The following PDE3B variants were observed in gnomAD, a reference collection of about 807,000 sequenced individuals.
The protein encoded by PDE3B is cGMP-inhibited 3',5'-cyclic phosphodiesterase 3B.
PDE3B carries 66 observed loss-of-function variants against 116.8 expected under a neutral mutation model. The ratio of observed to expected loss-of-function variants is 0.56; its 90% CI spans 0.46 to 0.69. The LOEUF is 0.69. Ranked by LOEUF, PDE3B falls within the 30% of genes least tolerant of loss-of-function variation. PDE3B has a pLI of 0.00. For synonymous variants in PDE3B, 595 were observed against 533.6 expected, an observed-to-expected ratio of 1.12 and a Z score of -1.59; for missense variants, 1,384 against 1,368.1, an observed-to-expected ratio of 1.01 and a Z score of -0.18.
intron 1 of PDE3B, among the ~76,000 whole-genome samples, chr11:14,682,084 T>C (rs1178515575): frequency 6.6e-6 from 1 of 152,150 alleles, no homozygotes; most frequent in Non-Finnish European, 1.5e-5. Context: ...AGAGAAAATA[T>C]GTTTACTGTT....
intron 12 of PDE3B, among the ~76,000 whole-genome samples, chr11:14,848,382 A>G (rs1847660285): frequency 6.8e-6 from 1 of 147,422 alleles, no homozygotes; most frequent in South Asian, 2.2e-4. Flanking sequence ...AGCCAATATC[A>G]TACTGAATGG....
At chr11:14,677,617 A>G (rs1015359159) in intron 1 of PDE3B, among the ~76,000 whole-genome samples, 1 of 152,138 alleles carries the variant, frequency 6.6e-6, no homozygotes, top group Non-Finnish European at 1.5e-5. Context: ...GATTTTGTAT[A>G]TCCACTACAA....
At chr11:14,757,664 T>C (rs1268963207) in intron 1 of PDE3B, among the ~76,000 whole-genome samples, 1 of 106,208 alleles carries the variant, frequency 9.4e-6, no homozygotes, top group African/African-American at 4.2e-5. Context: ...GTTTTTTTCT[T>C]GTAAATTTGT....
intron 4 of PDE3B, among the ~76,000 whole-genome samples, chr11:14,793,784 T>A (rs1858464070): frequency 1.3e-5 from 2 of 152,184 alleles, no homozygotes; most frequent in African/African-American, 4.8e-5. Flanking sequence ...TACTGTGTAA[T>A]GAAATCTAAT....
intron 1 of PDE3B, among the ~76,000 whole-genome samples, chr11:14,761,440 GTATTA>G (rs1857357126): frequency 1.3e-5 from 2 of 152,062 alleles, no homozygotes; most frequent in African/African-American, 4.8e-5. Flanking sequence ...AGTCAATTCA[GTATTA>G]TATTATTCTC....
intron 7 of PDE3B, among the ~76,000 whole-genome samples, chr11:14,827,263 C>G (rs1450593890): frequency 1.3e-5 from 2 of 152,062 alleles, no homozygotes; most frequent in African/African-American, 4.8e-5. Context: ...GGGCACAAGA[C>G]AAGGATGCCC....
chr11:14,806,284 CA>C (rs58465097), intron 5 of PDE3B, among the ~76,000 whole-genome samples: 397 of 126,224 alleles, frequency 3.1e-3, no homozygotes, highest in South Asian at 8.4e-3. Flanking sequence ...ACTAAAAATA[CA>C]AAAAAAAAAA....
intron 1 of PDE3B, among the ~76,000 whole-genome samples, chr11:14,721,991 G>T (rs1002530107): frequency 6.6e-6 from 1 of 150,466 alleles, no homozygotes; most frequent in Non-Finnish European, 1.5e-5. Context: ...CGTAAAAAAT[G>T]ATGAGTTCAT....
At chr11:14,664,686 C>T (rs569725749) in intron 1 of PDE3B, among the ~76,000 whole-genome samples, 2 of 152,112 alleles carry the variant, frequency 1.3e-5, no homozygotes, top group Non-Finnish European at 2.9e-5. Context: ...ATAAATTCCT[C>T]GACACATACA....
chr11:14,836,623 A>G (rs1162267030), intron 11 of PDE3B, among the ~76,000 whole-genome samples: 1 of 152,206 alleles, frequency 6.6e-6, no homozygotes, highest in African/African-American at 2.4e-5. Flanking sequence ...GTTACCAGAA[A>G]TTTAGTCACT....
At chr11:14,691,423 A>G (rs1250904483) in intron 1 of PDE3B, among the ~76,000 whole-genome samples, 1 of 152,230 alleles carries the variant, frequency 6.6e-6, no homozygotes, top group Non-Finnish European at 1.5e-5. Flanking sequence ...AAATCAGCTT[A>G]GAGATATTAT....
intron 1 of PDE3B, among the ~76,000 whole-genome samples, chr11:14,737,784 A>G (rs1425151957): frequency 3.5e-5 from 3 of 84,984 alleles, no homozygotes; most frequent in South Asian, 4.7e-4. Context: ...CCACCCCACA[A>G]CAGTCCCCAG....
the PDE3B span, among the ~76,000 whole-genome samples, chr11:14,884,231 CAT>C: frequency 1.8e-4 from 27 of 152,056 alleles, 1 homozygote; most frequent in East Asian, 8.0e-4. Context: ...CACATGCACA[CAT>C]ATGTTTATTG....
At chr11:14,796,959 A>G (rs183047903) in intron 4 of PDE3B, among the ~76,000 whole-genome samples, 3 of 152,162 alleles carry the variant, frequency 2.0e-5, no homozygotes, top group Admixed American at 1.3e-4. Flanking sequence ...CCTGAATGGT[A>G]TTGCCTAGGT....
chr11:14,687,739 T>A (rs1470567630), intron 1 of PDE3B, among the ~76,000 whole-genome samples: 1 of 152,168 alleles, frequency 6.6e-6, no homozygotes, highest in African/African-American at 2.4e-5. Context: ...GCCTATCAGA[T>A]CTTTTGTCAC....
chr11:14,681,193 T>C (rs1410015426), intron 1 of PDE3B, among the ~76,000 whole-genome samples: 1 of 152,198 alleles, frequency 6.6e-6, no homozygotes, highest in Non-Finnish European at 1.5e-5. Context: ...TGTGATATTT[T>C]CAACTTATAG....
chr11:14,668,865 A>G (rs1289871705), intron 1 of PDE3B, among the ~76,000 whole-genome samples: 1 of 90,728 alleles, frequency 1.1e-5, no homozygotes, highest in East Asian at 3.4e-4. Context: ...AACCAGTAGA[A>G]TTGTTTTGGA....
chr11:14,651,582 C>T (rs1853576073), intron 1 of PDE3B, among the ~76,000 whole-genome samples: 1 of 152,122 alleles, frequency 6.6e-6, no homozygotes, highest in Admixed American at 6.5e-5. Context: ...TCAACCAGTG[C>T]TTCCTATTTA....
chr11:14,809,156 A>G (rs970608824), intron 5 of PDE3B, among the ~76,000 whole-genome samples: 3 of 152,232 alleles, frequency 2.0e-5, no homozygotes, highest in African/African-American at 7.2e-5. Flanking sequence ...AGATATTTCT[A>G]TTCAATGAAA....
Sources: gnomAD v4.1 joint callset for allele counts (sites outside exome capture counted in the v4.1 genomes callset) on GRCh38, gnomAD v4.1.1 for gene constraint, MANE v1.5 for transcripts, NCBI Gene and HGNC (gene_info 2026-07-23, HGNC 2026-07-21) for gene names.